EPB41L5: variants seen among roughly 807,000 people sequenced by gnomAD.
EPB41L5 encodes erythrocyte membrane protein band 4.1 like 5, also known as band 4.1-like protein 5.
In EPB41L5, 55 loss-of-function variants were observed where a neutral mutation model predicts 106.6. The observed-to-expected ratio is 0.52, with a 90% CI of 0.42 to 0.65. The LOEUF (loss-of-function observed/expected upper bound fraction) is 0.65, where lower values mean the gene tolerates loss of function less well. Ranked by LOEUF, EPB41L5 falls within the 30% of genes least tolerant of loss-of-function variation. The pLI is 0.00. For synonymous variants in EPB41L5, 297 were observed against 306.7 expected (o/e 0.97, Z 0.33); for missense variants, 871 against 882.1 (o/e 0.99, Z 0.16).
At chr2:120,140,859 T>A (rs147272684) in intron 18 of EPB41L5, among the ~76,000 whole-genome samples, 46 of 152,216 alleles carry the variant, frequency 3.0e-4, no homozygotes, top group Non-Finnish European at 5.0e-4. Flanking sequence ...TATCAACAGT[T>A]GTTGTTTGCT....
At position 120,176,315 on chromosome 2, in the gene EPB41L5, A is replaced by G. The variant is rs1025742130; in HGVS notation, c.*1408A>G. 2 of 152,260 alleles carry G rather than the reference A, an allele frequency of 1.3e-5. No homozygotes were observed. Among genetic ancestry groups the G allele is most frequent in the African/African-American group, 4.8e-5 (2 of 41,442 alleles). The allele number at this position is 152,260 out of a possible 1,614,324, so 9.4% of individuals were successfully genotyped here. A position where few individuals can be genotyped will look rare whatever the true frequency, so the allele number is the denominator to read the frequency against. On this transcript the variant is annotated 3_prime_UTR_variant, in exon 25 of 25. Transcript: ENST00000263713. The stretch of plus-strand genomic sequence containing the variant: ...TTGCTTTCTAGTTTTCTGTCCTGCA[A>G]TATGTATATAATTAAGCACTAATTT...
At chr2:120,077,882 C>T (rs550893808) in intron 9 of EPB41L5, among the ~76,000 whole-genome samples, 2 of 152,150 alleles carry the variant, frequency 1.3e-5, no homozygotes, top group African/African-American at 4.8e-5. Flanking sequence ...CAGGCTTCTC[C>T]CTCTCAGGAG....
intron 18 of EPB41L5, among the ~76,000 whole-genome samples, chr2:120,142,523 C>T (rs902087191): frequency 6.6e-6 from 1 of 152,088 alleles, no homozygotes; most frequent in Non-Finnish European, 1.5e-5. Context: ...TATTTTTGGG[C>T]TAAAAGATGA....
chr2:120,014,581 A>G (rs995795151), intron 1 of EPB41L5, among the ~76,000 whole-genome samples: 1 of 152,262 alleles, frequency 6.6e-6, no homozygotes, highest in East Asian at 1.9e-4. Flanking sequence ...ATTTAGACTC[A>G]CAAGTCTGAG....
intron 3 of EPB41L5, among the ~76,000 whole-genome samples, chr2:120,049,423 T>C (rs1013886438): frequency 1.3e-5 from 2 of 152,206 alleles, no homozygotes; most frequent in Non-Finnish European, 2.9e-5. Context: ...GTAATGGCCT[T>C]CTTTGTCTCT....
intron 3 of EPB41L5, among the ~76,000 whole-genome samples, chr2:120,063,616 C>T (rs894019446): frequency 2.0e-5 from 3 of 151,926 alleles, no homozygotes; most frequent in African/African-American, 7.3e-5. Flanking sequence ...TATAACAAAC[C>T]TGCACATGTA....
At chr2:120,051,525 G>A (rs923841357) in intron 3 of EPB41L5, among the ~76,000 whole-genome samples, 5 of 152,236 alleles carry the variant, frequency 3.3e-5, no homozygotes, top group African/African-American at 1.2e-4. Context: ...TAGGTTGAGA[G>A]TTATCTGATT....
chr2:120,110,880 G>C lies in EPB41L5; in HGVS notation c.1337+10066G>C, dbSNP rs1684698243. The stretch of plus-strand genomic sequence containing the variant: ...CAAACCCCTGGCCTCAAATGATCCT[G>C]ATCTGCCCGCCTTGGCCTCCCAAAG... On this transcript the variant is annotated intron_variant, in intron 16 of 24. Coordinates refer to ENST00000263713, the MANE Select transcript of EPB41L5 (RefSeq NM_020909.4). Among the ~76,000 whole-genome samples, 2 of 151,970 alleles carry C rather than the reference G, an allele frequency of 1.3e-5. 1 individual carries two copies. Among genetic ancestry groups the C allele is most frequent in the South Asian group, 4.2e-4 (2 of 4,812 alleles).
intron 5 of EPB41L5, among the ~76,000 whole-genome samples, chr2:120,075,192 G>A (rs557522372): frequency 7.2e-5 from 11 of 152,214 alleles, no homozygotes; most frequent in African/African-American, 2.2e-4. Flanking sequence ...TTACAATTAC[G>A]TATTTTACAT....
chr2:120,090,601 G>T, intron 12 of EPB41L5, 85 bp downstream of exon 12: 1 of 1,189,320 alleles, frequency 8.4e-7, no homozygotes, highest in Non-Finnish European at 1.2e-6. Context: ...TACAGATATG[G>T]TAACTAAGGT....
intron 3 of EPB41L5, among the ~76,000 whole-genome samples, chr2:120,055,481 ATTTT>A (rs34856540): frequency 2.3e-5 from 2 of 85,572 alleles, no homozygotes; most frequent in South Asian, 4.3e-4. Context: ...TAGGTTTTTA[ATTTT>A]TTTTTTTTTT....
intron 2 of EPB41L5, among the ~76,000 whole-genome samples, chr2:120,030,972 G>A (rs533419868): frequency 1.3e-5 from 2 of 152,068 alleles, no homozygotes; most frequent in South Asian, 2.1e-4. Context: ...TGCCTCCCGG[G>A]TTCAAGTGAT....
Position 120,019,284 on chromosome 2 carries a change from C to T in EPB41L5, c.180+20C>T. On this transcript the variant is annotated intron_variant, in intron 2 of 24. Transcript: ENST00000263713. ...TTGCCAGTAAGTAGGTCTTGCTGAG[C>T]TCCAAATTCTGTTTGCGATTACTGT... The T allele has an allele frequency of 1.3e-6, 2 of 1,589,950 alleles. No individual in the cohort carries two copies. The highest frequency in any genetic ancestry group is 1.7e-6 in the Non-Finnish European group (2 of 1,169,856).
chr2:120,167,840 G>A, intron 23 of EPB41L5, 37 bp from the exon 24 acceptor site: 1 of 1,613,290 alleles, frequency 6.2e-7, no homozygotes, highest in African/African-American at 1.3e-5. Flanking sequence ...GGCAGGTATT[G>A]TTACCCTGTA....
intron 24 of EPB41L5, among the ~76,000 whole-genome samples, chr2:120,171,109 T>C (rs976070378): frequency 1.3e-5 from 2 of 152,138 alleles, no homozygotes; most frequent in Non-Finnish European, 2.9e-5. Context: ...CATCAAATCA[T>C]GAGGACAAAG....
chr2:120,078,242 G>GT (rs1682391925), intron 9 of EPB41L5, among the ~76,000 whole-genome samples: 1 of 152,092 alleles, frequency 6.6e-6, no homozygotes, highest in South Asian at 2.1e-4. Context: ...TAGTGGGAGT[G>GT]TAACTACCCA....
intron 18 of EPB41L5, among the ~76,000 whole-genome samples, chr2:120,134,369 A>G (rs551844080): frequency 3.4e-4 from 52 of 152,306 alleles, no homozygotes; most frequent in African/African-American, 1.3e-3. Context: ...GAGAACCTGC[A>G]GTCTTACAGA....
intron 3 of EPB41L5, among the ~76,000 whole-genome samples, chr2:120,042,844 T>G (rs904263749): frequency 6.6e-6 from 1 of 152,080 alleles, no homozygotes; most frequent in Non-Finnish European, 1.5e-5. Context: ...TGTAGAGATA[T>G]GTAGGATTTG....
In EPB41L5 at chr2:120,163,980, C is replaced by CTTTTTTTTTTTTTTTTTTTTTTTTTTTTT. The variant is rs70949387; in HGVS notation, c.1888-836_1888-835insTTTTTTTTTTTTTTTTTTTTTTTTTTTTT. Among the ~76,000 whole-genome samples the CTTTTTTTTTTTTTTTTTTTTTTTTTTTTT allele has an allele frequency of 2.9e-5, 2 of 68,140 alleles. 1 individual carries two copies. The highest frequency in any genetic ancestry group is 5.4e-5 in the Non-Finnish European group (2 of 36,848). 44.7% of individuals were successfully genotyped at this position (68,140 alleles called of 152,430 possible). On this transcript the variant is annotated intron_variant, in intron 21 of 24. Transcript: ENST00000263713. ...ACTTTTTTTTATTTTTTTGTATTTA[C>CTTTTTTTTTTTTTTTTTTTTTTTTTTTTT]TTTTTTTTTTTTTTTTTTTTGAGAT... is the stretch of plus-strand genomic sequence containing the variant.
Sources: gnomAD v4.1 joint callset for allele counts (sites outside exome capture counted in the v4.1 genomes callset) on GRCh38, gnomAD v4.1.1 for gene constraint, MANE v1.5 for transcripts, NCBI Gene and HGNC (gene_info 2026-07-23, HGNC 2026-07-21) for gene names.